TMEM45A: variants seen among roughly 807,000 people sequenced by gnomAD.
The protein encoded by TMEM45A is DNA polymerase-transactivated protein 4.
In TMEM45A, 25 loss-of-function variants were observed where a neutral mutation model predicts 32.0. The ratio of observed to expected loss-of-function variants is 0.78; its 90% CI spans 0.57 to 1.09. TMEM45A has a LOEUF of 1.09. TMEM45A is among the 50% of genes least tolerant of loss of function. The pLI is 0.00. For missense variants in TMEM45A, 302 were observed against 325.0 expected, an observed-to-expected ratio of 0.93 and a Z score of 0.54; for synonymous variants, 122 against 114.8, an observed-to-expected ratio of 1.06 and a Z score of -0.40.
At chr3:100,513,425 A>G (rs1473994947) in intron 1 of TMEM45A, among the ~76,000 whole-genome samples, 6 of 149,642 alleles carry the variant, frequency 4.0e-5, no homozygotes, top group Non-Finnish European at 7.4e-5. Context: ...AAATTCAACA[A>G]CCCTTCATGC....
At chr3:100,567,637 T>A (rs1009286537) in intron 4 of TMEM45A, among the ~76,000 whole-genome samples, 5 of 152,088 alleles carry the variant, frequency 3.3e-5, no homozygotes, top group African/African-American at 1.2e-4. Context: ...TCTATGACTA[T>A]GAGATAGCTT....
intron 1 of TMEM45A, among the ~76,000 whole-genome samples, chr3:100,546,262 C>T (rs1705978288): frequency 6.6e-6 from 1 of 152,122 alleles, no homozygotes; most frequent in Non-Finnish European, 1.5e-5. Flanking sequence ...CCTTGATAGC[C>T]CAGTGAGATC....
intron 1 of TMEM45A, among the ~76,000 whole-genome samples, chr3:100,505,220 G>A (rs1226155169): frequency 6.6e-6 from 1 of 152,160 alleles, no homozygotes. Context: ...ACCCGGGAGA[G>A]ACACCCATCT....
chr3:100,551,185 C>A (rs1706093354), intron 1 of TMEM45A, among the ~76,000 whole-genome samples: 1 of 151,916 alleles, frequency 6.6e-6, no homozygotes, highest in Non-Finnish European at 1.5e-5. Flanking sequence ...AGAGACTTTT[C>A]TGTATTTTTA....
intron 1 of TMEM45A, among the ~76,000 whole-genome samples, chr3:100,510,895 A>G (rs1285093655): frequency 6.6e-6 from 1 of 152,216 alleles, no homozygotes; most frequent in Non-Finnish European, 1.5e-5. Flanking sequence ...GAAATGAATG[A>G]AATGAAGTGA....
At chr3:100,528,857 A>G (rs890564486) in intron 1 of TMEM45A, among the ~76,000 whole-genome samples, 2 of 152,246 alleles carry the variant, frequency 1.3e-5, no homozygotes, top group Admixed American at 6.5e-5. Context: ...TGACAGAGCC[A>G]AAGAAATAGC....
chr3:100,554,106 A>G (rs777098520), intron 1 of TMEM45A, among the ~76,000 whole-genome samples: 2 of 151,850 alleles, frequency 1.3e-5, no homozygotes, highest in African/African-American at 2.4e-5. Flanking sequence ...CTCTCTTTTC[A>G]TTATTCTGTT....
chr3:100,520,928 C>G (rs955772159), intron 1 of TMEM45A, among the ~76,000 whole-genome samples: 2 of 152,116 alleles, frequency 1.3e-5, no homozygotes, highest in African/African-American at 4.8e-5. Flanking sequence ...CTTTGCAGTA[C>G]GAGGATGGGA....
intron 1 of TMEM45A, among the ~76,000 whole-genome samples, chr3:100,509,612 G>A (rs1415025902): frequency 6.6e-6 from 1 of 152,164 alleles, no homozygotes; most frequent in East Asian, 1.9e-4. Flanking sequence ...AGGGATGGAG[G>A]AGCCAAGATG....
At chr3:100,532,375 G>A (rs899623054) in intron 1 of TMEM45A, among the ~76,000 whole-genome samples, 50 of 152,104 alleles carry the variant, frequency 3.3e-4, no homozygotes, top group Non-Finnish European at 5.9e-5. Flanking sequence ...CAACTTTTTG[G>A]AAAGATAAAA....
At chr3:100,565,057 GT>G in intron 4 of TMEM45A, among the ~76,000 whole-genome samples, 1 of 152,304 alleles carries the variant, frequency 6.6e-6, no homozygotes, top group South Asian at 2.1e-4. Context: ...AGAACATGGA[GT>G]TTTTGGAGCC....
At chr3:100,537,523 G>C (rs1035574333) in intron 1 of TMEM45A, among the ~76,000 whole-genome samples, 1 of 152,166 alleles carries the variant, frequency 6.6e-6, no homozygotes, top group African/African-American at 2.4e-5. Context: ...CCTTCCCAAG[G>C]TGGTCCCTGT....
intron 1 of TMEM45A, among the ~76,000 whole-genome samples, chr3:100,528,601 T>A (rs1332561365): frequency 6.6e-6 from 1 of 152,132 alleles, no homozygotes; most frequent in Non-Finnish European, 1.5e-5. Context: ...CCGAGAAGCA[T>A]GGCAGACTAG....
intron 4 of TMEM45A, among the ~76,000 whole-genome samples, chr3:100,565,343 A>C (rs1706410032): frequency 6.6e-6 from 1 of 152,226 alleles, no homozygotes; most frequent in Non-Finnish European, 1.5e-5. Context: ...TTTCCAATTA[A>C]AGGGAATCCT....
chr3:100,577,216 A>T lies in TMEM45A; in HGVS notation c.*198A>T. ...TGAAAATATTTTGGGTGATACTTTC[A>T]TTTTGCACATCATGCACATCATGGT... is the stretch of plus-strand genomic sequence containing the variant. On this transcript the variant is annotated 3_prime_UTR_variant, in exon 6 of 6. Coordinates refer to ENST00000323523, the MANE Select transcript of TMEM45A (RefSeq NM_018004.3). The T allele has an allele frequency of 4.2e-6, 2 of 479,500 alleles. No homozygotes were observed. The highest frequency in any genetic ancestry group is 5.1e-5 in the South Asian group (2 of 39,364). 29.7% of individuals were successfully genotyped at this position (479,500 alleles called of 1,614,324 possible). A position where few individuals can be genotyped will look rare whatever the true frequency, so the allele number is the denominator to read the frequency against.
intron 1 of TMEM45A, among the ~76,000 whole-genome samples, chr3:100,503,555 C>T (rs540656760): frequency 5.3e-4 from 81 of 152,312 alleles, no homozygotes; most frequent in African/African-American, 1.8e-3. Context: ...GGGCCTGTTT[C>T]TCCTTCCTTC....
intron 1 of TMEM45A, 26 bp from the exon 2 acceptor site, chr3:100,555,183 C>T (rs1341669644): frequency 6.4e-6 from 10 of 1,567,282 alleles, no homozygotes; most frequent in Admixed American, 1.9e-5. Context: ...ATGTCTTTTA[C>T]TTTCTGTGTG....
chr3:100,536,272 G>C (rs1705737948), intron 1 of TMEM45A, among the ~76,000 whole-genome samples: 1 of 152,156 alleles, frequency 6.6e-6, no homozygotes, highest in Non-Finnish European at 1.5e-5. Flanking sequence ...GTGCATATGA[G>C]TCACTTGGGG....
chr3:100,530,808 C>G (rs1705632413), intron 1 of TMEM45A, among the ~76,000 whole-genome samples: 2 of 152,150 alleles, frequency 1.3e-5, no homozygotes, highest in South Asian at 4.1e-4. Flanking sequence ...CTCTTTTGAT[C>G]TGTGGATTTG....
Sources: gnomAD v4.1 joint callset for allele counts (sites outside exome capture counted in the v4.1 genomes callset) on GRCh38, gnomAD v4.1.1 for gene constraint, MANE v1.5 for transcripts, NCBI Gene and HGNC (gene_info 2026-07-23, HGNC 2026-07-21) for gene names.